FMN1: variants seen among roughly 807,000 people sequenced by gnomAD.
FMN1 encodes formin 1, also known as formin-1.
FMN1 carries 110 observed loss-of-function variants against 132.4 expected under a neutral mutation model. The observed-to-expected ratio is 0.83, with a 90% confidence interval of 0.71 to 0.97. The LOEUF is 0.97. Ranked by LOEUF, FMN1 falls within the 50% of genes least tolerant of loss-of-function variation. The pLI is 0.00. For synonymous variants in FMN1, 722 were observed against 651.7 expected (o/e 1.11, Z -1.64); for missense variants, 1,792 against 1,705.3 (o/e 1.05, Z -0.90).
intron 15 of FMN1, among the ~76,000 whole-genome samples, chr15:32,890,864 T>G (rs373080646): frequency 1.3e-5 from 2 of 152,360 alleles, no homozygotes; most frequent in East Asian, 3.9e-4. Context: ...AGAATTTTTA[T>G]AGTTTGAAGT....
chr15:32,866,976 T>TC (rs1322056846), intron 16 of FMN1, among the ~76,000 whole-genome samples: 2 of 152,176 alleles, frequency 1.3e-5, no homozygotes, highest in African/African-American at 4.8e-5. Context: ...ATAAGGCTGC[T>TC]CCTCCTCCCA....
Position 32,768,409 on chromosome 15 carries a change from T to G in FMN1, c.*5901A>C, listed in dbSNP as rs2056118734. The G allele has an allele frequency of 6.6e-6, 1 of 152,248 alleles. No individual in the cohort carries two copies. The highest frequency in any genetic ancestry group is 1.5e-5 in the Non-Finnish European group (1 of 68,052). 9.4% of individuals were successfully genotyped at this position (152,248 alleles called of 1,614,324 possible). ...AAGGACATTAACAAACAATTGCTAA[T>G]GTGTGCCTGAAATCTGATTTCCTTC... On this transcript the variant is annotated 3_prime_UTR_variant, in exon 21 of 21. Transcript: ENST00000616417.
intron 12 of FMN1, among the ~76,000 whole-genome samples, chr15:32,905,982 C>T (rs1000806159): frequency 3.9e-5 from 6 of 152,110 alleles, no homozygotes; most frequent in African/African-American, 1.4e-4. Context: ...GCTGGGTTTG[C>T]GTGTTCACGA....
At chr15:32,998,602 T>TAC (rs1279087168) in intron 7 of FMN1, among the ~76,000 whole-genome samples, 2 of 152,208 alleles carry the variant, frequency 1.3e-5, no homozygotes, top group African/African-American at 4.8e-5. Flanking sequence ...CGTGGTGCTC[T>TAC]ACCATGCTTT....
At chr15:32,857,774 T>G (rs990445929) in intron 16 of FMN1, among the ~76,000 whole-genome samples, 4 of 152,244 alleles carry the variant, frequency 2.6e-5, no homozygotes, top group African/African-American at 9.6e-5. Flanking sequence ...CTGAGGTGAC[T>G]TGACTTTTTA....
At chr15:32,803,166 AT>A (rs2057538243) in intron 18 of FMN1, among the ~76,000 whole-genome samples, 1 of 152,190 alleles carries the variant, frequency 6.6e-6, no homozygotes, top group African/African-American at 2.4e-5. Flanking sequence ...TTGCATTTAA[AT>A]TCCTAACTGG....
chr15:33,005,743 G>C (rs1389779064), intron 7 of FMN1, among the ~76,000 whole-genome samples: 1 of 152,166 alleles, frequency 6.6e-6, no homozygotes, highest in Non-Finnish European at 1.5e-5. Flanking sequence ...TCTGCTTACA[G>C]AATCACTTCT....
intron 17 of FMN1, among the ~76,000 whole-genome samples, chr15:32,805,381 T>A (rs574737864): frequency 3.2e-4 from 48 of 152,346 alleles, no homozygotes; most frequent in African/African-American, 1.2e-3. Context: ...TTTGTTTTTC[T>A]TTGTGGATTC....
chr15:33,017,291 A>G (rs979179036), intron 6 of FMN1, among the ~76,000 whole-genome samples: 5 of 152,106 alleles, frequency 3.3e-5, no homozygotes, highest in Admixed American at 3.3e-4. Context: ...TACAGAGCCA[A>G]TTCTAATGTA....
intron 17 of FMN1, among the ~76,000 whole-genome samples, chr15:32,825,250 G>A (rs2058335191): frequency 6.6e-6 from 1 of 152,164 alleles, no homozygotes; most frequent in South Asian, 2.1e-4. Flanking sequence ...CATGAATGTA[G>A]TCAGGTTACT....
At chr15:33,046,915 T>C (rs1369951253) in intron 6 of FMN1, among the ~76,000 whole-genome samples, 2 of 152,164 alleles carry the variant, frequency 1.3e-5, no homozygotes, top group Admixed American at 6.5e-5. Flanking sequence ...AAGAATACCG[T>C]AGGATAAAAC....
intron 16 of FMN1, among the ~76,000 whole-genome samples, chr15:32,886,503 A>G (rs2059900925): frequency 1.3e-5 from 2 of 152,312 alleles, no homozygotes; most frequent in Middle Eastern, 3.4e-3. Flanking sequence ...GTGAGGCGCT[A>G]TGGGGGAACC....
intron 16 of FMN1, among the ~76,000 whole-genome samples, chr15:32,876,767 G>A (rs2059646731): frequency 1.3e-5 from 2 of 152,214 alleles, no homozygotes; most frequent in South Asian, 2.1e-4. Context: ...TACAGATGCT[G>A]TCATTATGGA....
rs146591739 is a variant in FMN1, at chr15:33,014,653, G to C, written c.2162-6578C>G. On this transcript the variant is annotated intron_variant, in intron 6 of 20. Transcript: ENST00000616417. ...TCAACATTTTGGAGGAAAAAAAAATGAAAGAACTTTCTCTGTACAAATAAA... is the reference window on the plus strand; with the variant it reads ...TCAACATTTTGGAGGAAAAAAAAATCAAAGAACTTTCTCTGTACAAATAAA... Among the ~76,000 whole-genome samples, 9 of 152,300 alleles carry C rather than the reference G, an allele frequency of 5.9e-5. No individual in the cohort carries two copies. In the East Asian group the frequency reaches 1.7e-3, roughly 29 times the overall value.
At chr15:32,836,026 AG>A (rs1030564994) in intron 17 of FMN1, among the ~76,000 whole-genome samples, 3 of 151,782 alleles carry the variant, frequency 2.0e-5, no homozygotes, top group African/African-American at 4.8e-5. Flanking sequence ...TGGCCCAGCC[AG>A]TTTTTAAAAT....
intron 7 of FMN1, among the ~76,000 whole-genome samples, chr15:32,983,368 T>C (rs1201890891): frequency 6.6e-6 from 1 of 152,238 alleles, no homozygotes; most frequent in East Asian, 1.9e-4. Flanking sequence ...AGAAGAGGGG[T>C]TGTCTTCCAA....
chr15:32,785,813 A>G (rs1358615198), intron 19 of FMN1, among the ~76,000 whole-genome samples: 1 of 152,180 alleles, frequency 6.6e-6, no homozygotes, highest in Non-Finnish European at 1.5e-5. Context: ...TTCTTGATCC[A>G]AGCCATTAAA....
intron 6 of FMN1, among the ~76,000 whole-genome samples, chr15:33,024,699 A>G (rs1403470505): frequency 6.6e-6 from 1 of 152,218 alleles, no homozygotes; most frequent in African/African-American, 2.4e-5. Flanking sequence ...CATAAGTAAA[A>G]TCAGAAATTC....
intron 17 of FMN1, among the ~76,000 whole-genome samples, chr15:32,806,009 C>T (rs1002375333): frequency 5.9e-5 from 9 of 152,134 alleles, no homozygotes. Flanking sequence ...TCTCTACAAT[C>T]AGAAGATATA....
Sources: allele counts gnomAD v4.1 joint callset (sites outside exome capture counted in the v4.1 genomes callset), GRCh38; gene constraint gnomAD v4.1.1; transcripts MANE v1.5; gene names NCBI Gene and HGNC (gene_info 2026-07-23, HGNC 2026-07-21).